Variants in GALNT14 observed in about 807,000 individuals in gnomAD.
GALNT14 encodes the protein polypeptide N-acetylgalactosaminyltransferase 14.
Under a neutral mutation model 77.5 loss-of-function variants are expected in GALNT14, and 60 were observed. That is an observed-to-expected ratio of 0.77 (90% CI 0.63 to 0.96). The LOEUF (loss-of-function observed/expected upper bound fraction) is 0.96. Ranked by LOEUF, GALNT14 falls within the 40% of genes least tolerant of loss-of-function variation. GALNT14 has a pLI of 0.00. For synonymous variants in GALNT14, 280 were observed against 281.7 expected (o/e 0.99, Z 0.06); for missense variants, 710 against 731.0 (o/e 0.97, Z 0.33).
chr2:30,923,126 G>T (rs1181189848), intron 13 of GALNT14, among the ~76,000 whole-genome samples: 1 of 137,900 alleles, frequency 7.3e-6, no homozygotes, highest in East Asian at 2.2e-4. Flanking sequence ...GCAATGGTGT[G>T]ATCTCGGCTC....
Position 30,924,283 on chromosome 2 carries a change from A to G in GALNT14, c.1236-20T>C, listed in dbSNP as rs746648140. 1 of 1,613,484 alleles carries G rather than the reference A, an allele frequency of 6.2e-7. No homozygotes were observed. The highest frequency in any genetic ancestry group is 8.5e-7 in the Non-Finnish European group (1 of 1,179,514). ...GGGATGCTGGAGGAGAGTCACAGGG[A>G]GAGAGGAGAGTCCACTGCTCATTGG... On this transcript the variant is annotated intron_variant, in intron 12 of 14. Transcript: ENST00000349752.
At chr2:31,043,016 G>C (rs962767592) in intron 1 of GALNT14, among the ~76,000 whole-genome samples, 17 of 152,198 alleles carry the variant, frequency 1.1e-4, no homozygotes, top group African/African-American at 4.1e-4. Flanking sequence ...ACGGTCACCT[G>C]TCTCACCTCA....
chr2:30,905,577 A>G (rs1310435968), downstream of GALNT14, among the ~76,000 whole-genome samples: 2 of 152,090 alleles, frequency 1.3e-5, no homozygotes, highest in Non-Finnish European at 2.9e-5. Flanking sequence ...GACCAAATCT[A>G]TGTCTGATTG....
At chr2:31,078,859 G>C (rs1675979061) in intron 1 of GALNT14, 1 of 1,235,468 alleles carries the variant, frequency 8.1e-7, no homozygotes, top group Non-Finnish European at 1.1e-6. Context: ...AGGCACAGGA[G>C]AGCAGGGGAA....
intron 1 of GALNT14, among the ~76,000 whole-genome samples, chr2:31,029,331 A>T (rs1672268209): frequency 6.6e-6 from 1 of 152,196 alleles, no homozygotes; most frequent in Admixed American, 6.5e-5. Context: ...ACTGTCACAG[A>T]GGCCACGTCA....
At chr2:30,991,061 T>C (rs1240275049) in intron 2 of GALNT14, 1 of 151,332 alleles carries the variant, frequency 6.6e-6, no homozygotes, top group African/African-American at 2.5e-5. Flanking sequence ...AAATGTTAGT[T>C]TCTGCCTCTA....
chr2:30,890,180 G>A, the GALNT14 span, among the ~76,000 whole-genome samples: 16 of 152,166 alleles, frequency 1.1e-4, no homozygotes, highest in Non-Finnish European at 1.2e-4. Flanking sequence ...TGCTGAGGGC[G>A]GGGACCCACA....
intron 1 of GALNT14, among the ~76,000 whole-genome samples, chr2:31,094,892 T>C (rs1371057119): frequency 1.3e-5 from 2 of 152,146 alleles, no homozygotes; most frequent in Admixed American, 6.5e-5. Context: ...CCACAGTAAC[T>C]CCTCTATCCA....
intron 2 of GALNT14, among the ~76,000 whole-genome samples, chr2:30,978,920 T>C (rs544670601): frequency 2.0e-5 from 3 of 152,232 alleles, no homozygotes; most frequent in East Asian, 1.9e-4. Context: ...GGCTGCCAAA[T>C]TGTCTGAGGG....
intron 1 of GALNT14, among the ~76,000 whole-genome samples, chr2:31,131,367 A>ACT (rs1449043405): frequency 6.6e-6 from 1 of 151,940 alleles, no homozygotes; most frequent in African/African-American, 2.4e-5. Flanking sequence ...GCATGTCCAG[A>ACT]CTCACTTCCC....
chr2:30,949,187 T>G (rs1666879679), intron 6 of GALNT14, among the ~76,000 whole-genome samples: 1 of 152,190 alleles, frequency 6.6e-6, no homozygotes, highest in Admixed American at 6.5e-5. Context: ...GGGAGGTCAG[T>G]ACCTGCTCCG....
the GALNT14 span, among the ~76,000 whole-genome samples, chr2:30,893,707 A>G: frequency 3.3e-5 from 5 of 152,250 alleles, no homozygotes; most frequent in Admixed American, 3.3e-4. Context: ...CTCTGGGGAA[A>G]GGGAGTCGTT....
intron 1 of GALNT14, among the ~76,000 whole-genome samples, chr2:31,136,544 A>G (rs1286379241): frequency 6.6e-6 from 1 of 152,168 alleles, no homozygotes; most frequent in African/African-American, 2.4e-5. Context: ...CTCCCCCCAG[A>G]GAGTAAATTC....
At chr2:30,981,047 A>C (rs559253600) in intron 2 of GALNT14, among the ~76,000 whole-genome samples, 1 of 152,370 alleles carries the variant, frequency 6.6e-6, no homozygotes, top group South Asian at 2.1e-4. Flanking sequence ...CCTGGGCTAA[A>C]GAAATACAAG....
At position 31,138,138 on chromosome 2, in the gene GALNT14, C is replaced by G. The variant is rs773489249; in HGVS notation, c.-52G>C. On this transcript the variant is annotated 5_prime_UTR_variant, in exon 1 of 15. Coordinates refer to ENST00000349752, the MANE Select transcript of GALNT14 (RefSeq NM_024572.4). ...GGCGCTACGTCCCGGGGGCACCCCC[C>G]GGCGGTCAGGGTTGGCGGGGCAGGA... is the stretch of plus-strand genomic sequence containing the variant. 1.9e-6 allele frequency: 3 copies of G among 1,612,050 alleles called. No individual in the cohort carries two copies. Among genetic ancestry groups the G allele is most frequent in the Middle Eastern group, 1.7e-4 (1 of 6,054 alleles).
chr2:30,925,447 C>T (rs887023989), intron 11 of GALNT14, among the ~76,000 whole-genome samples: 2 of 152,178 alleles, frequency 1.3e-5, no homozygotes, highest in Admixed American at 6.5e-5. Flanking sequence ...CAGAGGGGGA[C>T]CCTTGCTTGT....
At chr2:31,017,192 T>C (rs936031934) in intron 1 of GALNT14, among the ~76,000 whole-genome samples, 1 of 152,242 alleles carries the variant, frequency 6.6e-6, no homozygotes, top group Non-Finnish European at 1.5e-5. Context: ...TCTTCCTCCA[T>C]GTCCATGGCC....
In GALNT14 at chr2:31,130,640, C is replaced by T. The variant is rs192032851; in HGVS notation, c.129+7318G>A. Among the ~76,000 whole-genome samples the T allele has an allele frequency of 1.2e-3, 189 of 152,194 alleles. 1 individual carries two copies. The highest frequency in any genetic ancestry group is 3.7e-3 in the Admixed American group (56 of 15,284). On this transcript the variant is annotated intron_variant, in intron 1 of 14. Transcript: ENST00000349752. ...CCACTGCCAAATGCAAAGACTGTCA[C>T]CTCAGAAGGTCACATCAGGCCATTT... is the stretch of plus-strand genomic sequence containing the variant.
intron 9 of GALNT14, among the ~76,000 whole-genome samples, chr2:30,935,251 G>A (rs1021479406): frequency 9.2e-5 from 14 of 152,108 alleles, no homozygotes; most frequent in South Asian, 4.2e-4. Flanking sequence ...CTCCAACTCC[G>A]AAATTCATGC....
Sources: gnomAD v4.1 joint callset for allele counts (sites outside exome capture counted in the v4.1 genomes callset) on GRCh38, gnomAD v4.1.1 for gene constraint, MANE v1.5 for transcripts, NCBI Gene and HGNC (gene_info 2026-07-23, HGNC 2026-07-21) for gene names.